SEMA3A: variants seen among roughly 807,000 people sequenced by gnomAD.
The protein encoded by SEMA3A is semaphorin 3A.
SEMA3A carries 29 observed loss-of-function variants against 97.9 expected under a neutral mutation model. The observed-to-expected ratio is 0.30, with a 90% confidence interval of 0.22 to 0.40. SEMA3A has a LOEUF of 0.40. Among genes scored for constraint, SEMA3A ranks in the 10% least tolerant of loss-of-function variants. The pLI is 1.00. For synonymous variants in SEMA3A, 321 were observed against 323.7 expected (o/e 0.99, Z 0.09); for missense variants, 763 against 951.3 (o/e 0.80, Z 2.60).
At chr7:84,453,944 TAAAGA>T (rs1805626691) in intron 1 of SEMA3A, among the ~76,000 whole-genome samples, 1 of 152,188 alleles carries the variant, frequency 6.6e-6, no homozygotes, top group African/African-American at 2.4e-5. Context: ...TATTGCAAGA[TAAAGA>T]AAACTACTGC....
chr7:83,990,804 TC>T (rs1396529043), intron 12 of SEMA3A, among the ~76,000 whole-genome samples: 1 of 59,740 alleles, frequency 1.7e-5, no homozygotes, highest in Non-Finnish European at 3.9e-5. Context: ...CGACGCAGGC[TC>T]TTTTTTGGTT....
intron 3 of SEMA3A, among the ~76,000 whole-genome samples, chr7:84,210,935 T>C (rs1798610009): frequency 6.6e-6 from 1 of 152,176 alleles, no homozygotes; most frequent in African/African-American, 2.4e-5. Context: ...TTTAATGTTA[T>C]GGCTAGATAT....
chr7:84,110,493 T>G lies in SEMA3A; in HGVS notation c.430A>C (p.Ile144Leu). 1.2e-6 allele frequency: 2 copies of G among 1,613,942 alleles called. No homozygotes were observed. Among genetic ancestry groups the G allele is most frequent in the Admixed American group, 1.7e-5 (1 of 60,002 alleles). The change falls in exon 4 of 17, where the codon ATT becomes CTT. Residue 144 changes from isoleucine (I) to leucine (L), a missense_variant. By Grantham distance (5) the Ile-to-Leu change is conservative. This residue lies in a region of SEMA3A where 678 missense variants were observed against 881.3 expected (regional missense o/e 0.77). Transcript: ENST00000265362. ...ACCTCAGGATGATGTCCAATTTCAA[T>G]GTAGGTGCAAATTGGATGAAAAGCC... is the stretch of plus-strand genomic sequence containing the variant. ...TGAFHPICTYIEIGHHPEDNI... is the reference protein window; with the variant it reads ...TGAFHPICTYLEIGHHPEDNI...
intron 2 of SEMA3A, among the ~76,000 whole-genome samples, chr7:84,331,409 T>G (rs1448821305): frequency 1.3e-5 from 2 of 152,144 alleles, no homozygotes; most frequent in Non-Finnish European, 2.9e-5. Flanking sequence ...AAATGAAAGA[T>G]TCAGGTGATT....
At chr7:84,092,340 A>G (rs1794628534) in intron 4 of SEMA3A, among the ~76,000 whole-genome samples, 1 of 152,116 alleles carries the variant, frequency 6.6e-6, no homozygotes, top group South Asian at 2.1e-4. Flanking sequence ...TATCTTTTGA[A>G]TGTCCGTGTG....
intron 2 of SEMA3A, among the ~76,000 whole-genome samples, chr7:84,333,166 T>G (rs1431086320): frequency 6.6e-6 from 1 of 152,132 alleles, no homozygotes; most frequent in Non-Finnish European, 1.5e-5. Context: ...AGAAATAGCT[T>G]TTAAAACTTG....
intron 4 of SEMA3A, among the ~76,000 whole-genome samples, chr7:84,062,777 G>A (rs886912673): frequency 4.6e-5 from 7 of 152,174 alleles, no homozygotes; most frequent in Admixed American, 6.5e-5. Context: ...CTACACCCAC[G>A]GAGTCTCGCT....
At chr7:84,191,912 T>G (rs1798052071) in intron 1 of SEMA3A, among the ~76,000 whole-genome samples, 1 of 151,886 alleles carries the variant, frequency 6.6e-6, no homozygotes, top group African/African-American at 2.4e-5. Context: ...GGTATCTTAT[T>G]AGATATGTAC....
At chr7:84,288,698 A>AAAAAC (rs1378012923) in intron 3 of SEMA3A, among the ~76,000 whole-genome samples, 67 of 152,280 alleles carry the variant, frequency 4.4e-4, no homozygotes, top group African/African-American at 1.4e-3. Flanking sequence ...ACTCCATCAA[A>AAAAAC]AAAACAAAAC....
chr7:84,382,343 G>T (rs1803281904), intron 1 of SEMA3A, among the ~76,000 whole-genome samples: 1 of 151,752 alleles, frequency 6.6e-6, no homozygotes, highest in African/African-American at 2.4e-5. Context: ...CTGATCTCAA[G>T]CAATCCACCT....
At chr7:84,177,065 A>C (rs974657208) in intron 1 of SEMA3A, among the ~76,000 whole-genome samples, 1 of 152,136 alleles carries the variant, frequency 6.6e-6, no homozygotes. Flanking sequence ...AAAAAGTAAA[A>C]AGGACATGAT....
At chr7:84,219,163 TA>T (rs1310199023) in intron 3 of SEMA3A, among the ~76,000 whole-genome samples, 1 of 152,090 alleles carries the variant, frequency 6.6e-6, no homozygotes, top group East Asian at 1.9e-4. Context: ...CAATAAAAAT[TA>T]AAAGGACCTT....
intron 3 of SEMA3A, among the ~76,000 whole-genome samples, chr7:84,126,150 C>T (rs552249867): frequency 6.6e-5 from 10 of 152,218 alleles, no homozygotes; most frequent in Admixed American, 1.3e-4. Context: ...ATCTCAGTTA[C>T]GTAATATTTT....
chr7:84,180,141 T>G (rs986370854), intron 1 of SEMA3A, among the ~76,000 whole-genome samples: 5 of 150,396 alleles, frequency 3.3e-5, no homozygotes, highest in African/African-American at 1.2e-4. Flanking sequence ...AGACAGGGTT[T>G]CTCCATATTG....
Position 83,961,713 on chromosome 7 carries a change from T to C in SEMA3A, c.1974A>G (p.Gln658=). ...CTTCCAGGGTTACCTTAAGAAGAGT[T>C]TGTATGAACCCATGTTCCACCGCAT... The part of the protein sequence containing the change: ...LCHAVEHGFI[Q]TLLKVTLEVI... The change falls in exon 17 of 17, where the codon CAA becomes CAG. Residue 658 remains glutamine (Q), a synonymous_variant. Coordinates refer to ENST00000265362, the MANE Select transcript of SEMA3A (RefSeq NM_006080.3). The C allele has an allele frequency of 6.2e-7, 1 of 1,613,704 alleles. No homozygotes were observed.
chr7:83,997,745 T>G (rs1375305404), intron 12 of SEMA3A, among the ~76,000 whole-genome samples: 3 of 138,456 alleles, frequency 2.2e-5, no homozygotes, highest in South Asian at 4.4e-4. Context: ...GAAATTTTTC[T>G]TTTTTTTTTT....
intron 2 of SEMA3A, among the ~76,000 whole-genome samples, chr7:84,309,965 T>C (rs1474475589): frequency 6.6e-6 from 1 of 152,086 alleles, no homozygotes; most frequent in Non-Finnish European, 1.5e-5. Flanking sequence ...GATAAGACAA[T>C]AAACTACAAA....
At chr7:84,322,519 A>G (rs1801673305) in intron 2 of SEMA3A, among the ~76,000 whole-genome samples, 1 of 151,918 alleles carries the variant, frequency 6.6e-6, no homozygotes, top group African/African-American at 2.4e-5. Context: ...GGTAGTAGTG[A>G]ATAAGTTTCA....
chr7:84,475,844 C>T (rs1806267802), intron 1 of SEMA3A, among the ~76,000 whole-genome samples: 1 of 152,116 alleles, frequency 6.6e-6, no homozygotes, highest in Non-Finnish European at 1.5e-5. Context: ...GCAGTTCTCC[C>T]TAAAATGTTT....
Sources: gnomAD v4.1 joint callset for allele counts (sites outside exome capture counted in the v4.1 genomes callset) on GRCh38, gnomAD v4.1.1 for gene constraint, gnomAD v4.1.1 regional missense constraint, MANE v1.5 for transcripts, NCBI Gene and HGNC (gene_info 2026-07-23, HGNC 2026-07-21) for gene names.